Variants in UNC13C observed in about 807,000 individuals in gnomAD.
UNC13C encodes the protein protein unc-13 homolog C.
A neutral mutation model predicts 245.4 loss-of-function variants in UNC13C; 174 were observed. That is an observed-to-expected ratio of 0.71 (90% CI 0.63 to 0.80). The LOEUF (loss-of-function observed/expected upper bound fraction) is 0.80, where lower values mean the gene tolerates loss of function less well. Ranked by LOEUF, UNC13C falls within the 30% of genes least tolerant of loss-of-function variation. The probability of loss-of-function intolerance (pLI) is 0.00; values close to 1 mark genes in which losing one functional copy is unlikely to be tolerated. For synonymous variants in UNC13C, 992 were observed against 895.1 expected (o/e 1.11, Z -1.93); for missense variants, 2,829 against 2,602.9 (o/e 1.09, Z -1.89).
rs1595692586 is a variant in UNC13C, at chr15:53,996,971, C to T, written c.-256-15677C>T. Among the ~76,000 whole-genome samples the T allele has an allele frequency of 4.6e-5, 7 of 151,866 alleles. No homozygotes were observed. The South Asian group carries it at 1.5e-3, about 32-fold the overall frequency. On this transcript the variant is annotated intron_variant, in intron 1 of 32. Transcript: ENST00000260323. ...TACTGAATCATAGGGTGCATGTAGG[C>T]TTAACTTTGTAAGAAATTAGCCATT...
rs12050527 is a variant in UNC13C at position 54,586,705 on chromosome 15, G to C, written c.6106+18758G>C. On this transcript the variant is annotated intron_variant, in intron 30 of 32. Transcript: ENST00000260323. The stretch of plus-strand genomic sequence containing the variant: ...TGCCCTTACAGGAATAACAAGCCAG[G>C]CTAAGTCCTTGTCATCATGCAGATG... Among the ~76,000 whole-genome samples, 84 of 152,306 alleles carry C rather than the reference G, an allele frequency of 5.5e-4. No homozygotes were observed. In the East Asian group the frequency reaches 0.016, roughly 29 times the overall value.
At chr15:54,494,020 T>C (rs1032138135) in intron 19 of UNC13C, among the ~76,000 whole-genome samples, 11 of 152,066 alleles carry the variant, frequency 7.2e-5, no homozygotes, top group Admixed American at 2.0e-4. Context: ...AAGTTAGAGA[T>C]ATTTTCTCTC....
intron 19 of UNC13C, among the ~76,000 whole-genome samples, chr15:54,420,903 A>G (rs2040627480): frequency 6.6e-6 from 1 of 152,100 alleles, no homozygotes; most frequent in African/African-American, 2.4e-5. Flanking sequence ...CAGGAAAGGC[A>G]TTCATTGATC....
chr15:54,605,156 A>C (rs1425293973), intron 30 of UNC13C, among the ~76,000 whole-genome samples: 1 of 152,164 alleles, frequency 6.6e-6, no homozygotes, highest in Admixed American at 6.5e-5. Flanking sequence ...GGAAGCTCAC[A>C]AACTGGTAAA....
At chr15:54,289,767 A>G (rs2037247082) in intron 10 of UNC13C, among the ~76,000 whole-genome samples, 1 of 152,026 alleles carries the variant, frequency 6.6e-6, no homozygotes, top group Non-Finnish European at 1.5e-5. Flanking sequence ...AGTACTGTGA[A>G]ACCCTGTATC....
At chr15:54,442,095 A>T (rs772570942) in intron 19 of UNC13C, among the ~76,000 whole-genome samples, 6 of 151,878 alleles carry the variant, frequency 4.0e-5, no homozygotes, top group Non-Finnish European at 8.8e-5. Context: ...TTCTTTTCCA[A>T]ATATAATGTC....
chr15:54,518,185 T>TTAATTA (rs1261436987), intron 24 of UNC13C, among the ~76,000 whole-genome samples: 3 of 152,214 alleles, frequency 2.0e-5, no homozygotes, highest in Non-Finnish European at 4.4e-5. Context: ...AGTGATTTAA[T>TTAATTA]AAATATGTTT....
the UNC13C span, among the ~76,000 whole-genome samples, chr15:53,859,859 G>C: frequency 6.6e-6 from 1 of 152,122 alleles, no homozygotes; most frequent in East Asian, 1.9e-4. Flanking sequence ...AGGCTTGGGG[G>C]ATCTGTTTTC....
chr15:54,613,030 ATTT>A (rs1900205927), intron 30 of UNC13C, among the ~76,000 whole-genome samples: 1 of 151,888 alleles, frequency 6.6e-6, no homozygotes, highest in Admixed American at 6.6e-5. Flanking sequence ...GGAGATTATT[ATTT>A]GTCTCTCAAG....
the UNC13C span, among the ~76,000 whole-genome samples, chr15:53,915,612 A>T: frequency 6.6e-6 from 1 of 152,252 alleles, no homozygotes. Flanking sequence ...TTTAAGGGAT[A>T]CCTCAAAAGT....
intron 13 of UNC13C, among the ~76,000 whole-genome samples, chr15:54,310,227 T>A (rs2037833391): frequency 6.6e-6 from 1 of 151,830 alleles, no homozygotes; most frequent in African/African-American, 2.4e-5. Context: ...GTGTTAGAAC[T>A]GTAGCTGTTA....
At chr15:54,295,725 G>T (rs1230092948) in intron 11 of UNC13C, among the ~76,000 whole-genome samples, 1 of 151,692 alleles carries the variant, frequency 6.6e-6, no homozygotes, top group Non-Finnish European at 1.5e-5. Flanking sequence ...ACTTGCTGAG[G>T]AATTTGAATA....
the UNC13C span, among the ~76,000 whole-genome samples, chr15:53,890,140 C>CTTTTTTTTTTTTTTTTTT: frequency 6.9e-6 from 1 of 145,244 alleles, no homozygotes; most frequent in Non-Finnish European, 1.5e-5. Flanking sequence ...ACCAGCGCCT[C>CTTTTTTTTTTTTTTTTTT]TTTTTTTTTT....
chr15:54,487,874 G>T (rs1283051364), intron 19 of UNC13C, among the ~76,000 whole-genome samples: 1 of 151,424 alleles, frequency 6.6e-6, no homozygotes, highest in Non-Finnish European at 1.5e-5. Context: ...CTCTCTAGAG[G>T]ATTCACATTG....
intron 26 of UNC13C, among the ~76,000 whole-genome samples, chr15:54,542,706 A>C (rs945750656): frequency 1.3e-5 from 2 of 152,032 alleles, no homozygotes; most frequent in African/African-American, 4.8e-5. Context: ...ATATATATTT[A>C]TATTAGTTAG....
At chr15:54,542,159 T>C (rs1036984262) in intron 26 of UNC13C, among the ~76,000 whole-genome samples, 6 of 152,100 alleles carry the variant, frequency 3.9e-5, no homozygotes, top group Non-Finnish European at 8.8e-5. Context: ...TAAAAAGGGA[T>C]CATTTGCCTT....
chr15:54,145,972 C>T (rs1049876459), intron 4 of UNC13C, among the ~76,000 whole-genome samples: 5 of 152,042 alleles, frequency 3.3e-5, no homozygotes, highest in Admixed American at 6.6e-5. Flanking sequence ...CCTCTTTCAA[C>T]GACTTTCTAA....
chr15:53,848,216 G>T, the UNC13C span, among the ~76,000 whole-genome samples: 90,477 of 151,668 alleles, frequency 0.6, 27,171 homozygotes, highest in East Asian at 0.68. Flanking sequence ...TGCTGTTATT[G>T]GTTTTATATT....
At chr15:54,532,275 C>T (rs1042037383) in intron 25 of UNC13C, among the ~76,000 whole-genome samples, 4 of 152,128 alleles carry the variant, frequency 2.6e-5, no homozygotes, top group Non-Finnish European at 5.9e-5. Context: ...TGTGGCAATT[C>T]CTCAAAGACC....
Sources: allele counts gnomAD v4.1 joint callset (sites outside exome capture counted in the v4.1 genomes callset), GRCh38; gene constraint gnomAD v4.1.1; transcripts MANE v1.5; gene names NCBI Gene and HGNC (gene_info 2026-07-23, HGNC 2026-07-21).